Variants in TRHDE observed in about 807,000 individuals in gnomAD.
TRHDE encodes thyrotropin releasing hormone degrading enzyme, also known as thyrotropin-releasing hormone-degrading ectoenzyme.
In TRHDE, 72 loss-of-function variants were observed where a neutral mutation model predicts 125.7. The observed-to-expected ratio is 0.57, with a 90% confidence interval of 0.47 to 0.70. The LOEUF is 0.70. Among genes scored for constraint, TRHDE ranks in the 30% least tolerant of loss-of-function variants. TRHDE has a pLI of 0.00. For missense variants in TRHDE, 1,110 were observed against 1,327.1 expected, an observed-to-expected ratio of 0.84 and a Z score of 2.54; for synonymous variants, 509 against 509.1, an observed-to-expected ratio of 1.00 and a Z score of 0.00.
At chr12:72,304,882 C>G (rs1868317068) in intron 2 of TRHDE, among the ~76,000 whole-genome samples, 1 of 152,106 alleles carries the variant, frequency 6.6e-6, no homozygotes, top group South Asian at 2.1e-4. Context: ...ATGCTGATGT[C>G]TCTAGGGAAG....
At chr12:72,328,719 A>G (rs1869451904) in intron 2 of TRHDE, among the ~76,000 whole-genome samples, 1 of 152,192 alleles carries the variant, frequency 6.6e-6, no homozygotes, top group South Asian at 2.1e-4. Context: ...ACTTGGGTGA[A>G]GTAATTTTAT....
At chr12:72,435,514 T>C (rs1874699059) in intron 3 of TRHDE, among the ~76,000 whole-genome samples, 1 of 152,094 alleles carries the variant, frequency 6.6e-6, no homozygotes, top group Admixed American at 6.6e-5. Flanking sequence ...GATTCGAATA[T>C]GAAAAAAATC....
intron 10 of TRHDE, among the ~76,000 whole-genome samples, chr12:72,571,972 CAA>C (rs1378381854): frequency 1.6e-5 from 2 of 123,694 alleles, no homozygotes; most frequent in Non-Finnish European, 3.3e-5. Context: ...CCTGACTCTG[CAA>C]ACACACACAC....
chr12:72,341,943 C>A (rs1406744502), intron 2 of TRHDE, among the ~76,000 whole-genome samples: 1 of 151,914 alleles, frequency 6.6e-6, no homozygotes, highest in Non-Finnish European at 1.5e-5. Context: ...AAGAACTAGT[C>A]TACAGAAATG....
intron 3 of TRHDE, among the ~76,000 whole-genome samples, chr12:72,418,563 T>G (rs908213853): frequency 5.9e-5 from 9 of 151,738 alleles, no homozygotes; most frequent in Non-Finnish European, 1.0e-4. Context: ...TCCCCATCTT[T>G]TAAGAGGAAA....
chr12:72,255,486 G>T (rs1054512604), intron 2 of TRHDE: 5 of 152,234 alleles, frequency 3.3e-5, no homozygotes, highest in African/African-American at 1.2e-4. Context: ...GCTGCCTCGA[G>T]CAGATGGAGT....
chr12:72,597,394 A>T (rs919083751), intron 12 of TRHDE, among the ~76,000 whole-genome samples: 4 of 151,984 alleles, frequency 2.6e-5, no homozygotes, highest in Admixed American at 2.6e-4. Flanking sequence ...GGGGCCAGGC[A>T]TGGTGGCTCA....
At chr12:72,561,896 G>C (rs1344720815) in intron 7 of TRHDE, among the ~76,000 whole-genome samples, 2 of 152,088 alleles carry the variant, frequency 1.3e-5, no homozygotes, top group African/African-American at 2.4e-5. Flanking sequence ...TGCTCAATTA[G>C]AGAAAGATCT....
In TRHDE at chr12:72,455,723, A is replaced by G. The variant is rs554742851; in HGVS notation, c.1316-14035A>G. On this transcript the variant is annotated intron_variant, in intron 3 of 18. Transcript: ENST00000261180. ...TGAGATGTTAGAAGTGTCAGAAATA[A>G]AAGTTAGAGGTATTGTATTTACTTA... is the stretch of plus-strand genomic sequence containing the variant. Among the ~76,000 whole-genome samples, 3 of 152,232 alleles carry G rather than the reference A, an allele frequency of 2.0e-5. No individual in the cohort carries two copies. In the South Asian group the frequency reaches 6.2e-4, roughly 32 times the overall value.
intron 2 of TRHDE, among the ~76,000 whole-genome samples, chr12:72,203,457 G>T (rs1186606688): frequency 6.6e-6 from 1 of 152,012 alleles, no homozygotes; most frequent in Non-Finnish European, 1.5e-5. Context: ...GACAGAGCGA[G>T]ACTCTGTCTC....
intron 3 of TRHDE, among the ~76,000 whole-genome samples, chr12:72,401,976 C>A (rs569097080): frequency 5.5e-4 from 84 of 152,260 alleles, no homozygotes; most frequent in African/African-American, 1.9e-3. Flanking sequence ...ATTATACTTA[C>A]CTTTTTTTGA....
At chr12:72,325,185 AT>A (rs1301726183) in intron 2 of TRHDE, among the ~76,000 whole-genome samples, 1 of 151,872 alleles carries the variant, frequency 6.6e-6, no homozygotes, top group Non-Finnish European at 1.5e-5. Context: ...AAAAACCCTT[AT>A]TTTGTGTTAT....
At chr12:72,268,421 A>G (rs1253709396), upstream of TRHDE, among the ~76,000 whole-genome samples, 1 of 152,082 alleles carries the variant, frequency 6.6e-6, no homozygotes, top group African/African-American at 2.4e-5. Flanking sequence ...TGTACTGTAT[A>G]TTTTTCACAG....
chr12:72,122,967 T>C (rs1220954755), intron 2 of TRHDE, among the ~76,000 whole-genome samples: 2 of 152,122 alleles, frequency 1.3e-5, no homozygotes, highest in Non-Finnish European at 2.9e-5. Context: ...CAAACCACAC[T>C]GTCTTGAGTT....
chr12:72,565,512 G>A (rs74739996), intron 9 of TRHDE, among the ~76,000 whole-genome samples: 3 of 152,046 alleles, frequency 2.0e-5, no homozygotes, highest in South Asian at 2.1e-4. Context: ...GTGAATTTGC[G>A]TAGCCTTTTT....
At chr12:72,516,636 T>A (rs1173082634) in intron 6 of TRHDE, among the ~76,000 whole-genome samples, 1 of 151,980 alleles carries the variant, frequency 6.6e-6, no homozygotes, top group Non-Finnish European at 1.5e-5. Context: ...TACCCTTTAT[T>A]TCCTTCTCCT....
intron 3 of TRHDE, among the ~76,000 whole-genome samples, chr12:72,431,070 G>T (rs1001751390): frequency 1.3e-5 from 2 of 151,954 alleles, no homozygotes; most frequent in Admixed American, 6.6e-5. Flanking sequence ...CATTTCTGAC[G>T]TATAGAAATA....
At chr12:72,380,770 C>T (rs187225884) in intron 3 of TRHDE, among the ~76,000 whole-genome samples, 1 of 87,470 alleles carries the variant, frequency 1.1e-5, no homozygotes, top group Admixed American at 1.1e-4. Flanking sequence ...TTCCTTGCTT[C>T]CTTCCTTCCT....
chr12:72,106,055 T>G (rs1449998406), intron 2 of TRHDE, among the ~76,000 whole-genome samples: 1 of 152,144 alleles, frequency 6.6e-6, no homozygotes, highest in Non-Finnish European at 1.5e-5. Context: ...GATATCAGAA[T>G]GTGGCCTGGG....
Sources: allele counts gnomAD v4.1 joint callset (sites outside exome capture counted in the v4.1 genomes callset), GRCh38; gene constraint gnomAD v4.1.1; transcripts MANE v1.5; gene names NCBI Gene and HGNC (gene_info 2026-07-23, HGNC 2026-07-21).